FAM168B: variants seen among roughly 807,000 people sequenced by gnomAD.
The protein encoded by FAM168B is myelin-associated neurite-outgrowth inhibitor.
FAM168B carries 19 observed loss-of-function variants against 21.8 expected under a neutral mutation model. The ratio of observed to expected loss-of-function variants is 0.87; its 90% CI spans 0.61 to 1.28. The LOEUF (loss-of-function observed/expected upper bound fraction) is 1.28. Ranked by LOEUF, FAM168B falls within the 50% of genes most tolerant of loss-of-function variation. FAM168B has a pLI of 0.00. For missense variants in FAM168B, 233 were observed against 263.1 expected (o/e 0.89, Z 0.79); for synonymous variants, 126 against 104.8 (o/e 1.20, Z -1.24).
At chr2:131,076,278 C>G (rs374601177) in intron 2 of FAM168B, among the ~76,000 whole-genome samples, 118 of 152,318 alleles carry the variant, frequency 7.7e-4, no homozygotes, top group African/African-American at 2.7e-3. Context: ...AGCATCTATT[C>G]TAGCCCTCTT....
intron 2 of FAM168B, among the ~76,000 whole-genome samples, chr2:131,074,036 T>C (rs1693011025): frequency 6.6e-6 from 1 of 152,242 alleles, no homozygotes; most frequent in South Asian, 2.1e-4. Flanking sequence ...CTCAGGCATC[T>C]GCCCTTTTCG....
At chr2:131,083,958 C>A (rs1693551404) in intron 1 of FAM168B, among the ~76,000 whole-genome samples, 1 of 151,996 alleles carries the variant, frequency 6.6e-6, no homozygotes, top group African/African-American at 2.4e-5. Flanking sequence ...GGCTGGAGTG[C>A]AGTGGCATGA....
intron 1 of FAM168B, among the ~76,000 whole-genome samples, chr2:131,092,948 G>A (rs1422646336): frequency 3.3e-5 from 5 of 152,074 alleles, no homozygotes; most frequent in African/African-American, 1.2e-4. Context: ...ACCTTTAGGA[G>A]AACGCCCCGC....
At position 131,051,874 on chromosome 2, in the gene FAM168B, C is replaced by T. The variant is rs940493686; in HGVS notation, c.*591G>A. On this transcript the variant is annotated 3_prime_UTR_variant, in exon 7 of 7. Coordinates refer to ENST00000389915, the MANE Select transcript of FAM168B (RefSeq NM_001009993.4). ...CTACTCTCTCCCAAACCTCGCAACTCCCTCCCAGGACAGTCAGTGCCAAAG... is the reference window on the plus strand; with the variant it reads ...CTACTCTCTCCCAAACCTCGCAACTTCCTCCCAGGACAGTCAGTGCCAAAG... 1 of 985,440 alleles carries T rather than the reference C, an allele frequency of 1.0e-6. No individual in the cohort carries two copies. The highest frequency in any genetic ancestry group is 1.2e-6 in the Non-Finnish European group (1 of 829,952). 61.0% of individuals were successfully genotyped at this position (985,440 alleles called of 1,614,324 possible). A position where few individuals can be genotyped will look rare whatever the true frequency, so the allele number is the denominator to read the frequency against.
At chr2:131,070,857 C>A (rs1024830164) in intron 3 of FAM168B, among the ~76,000 whole-genome samples, 1 of 152,216 alleles carries the variant, frequency 6.6e-6, no homozygotes, top group African/African-American at 2.4e-5. Flanking sequence ...AGTCGAGACT[C>A]TAGGCATAAC....
At chr2:131,092,321 C>T (rs563398017) in intron 1 of FAM168B, among the ~76,000 whole-genome samples, 3 of 152,300 alleles carry the variant, frequency 2.0e-5, no homozygotes. Context: ...AATAGCCTTA[C>T]ACTGCTCAAA....
At chr2:131,075,499 CTT>C (rs201403777) in intron 2 of FAM168B, among the ~76,000 whole-genome samples, 5 of 144,378 alleles carry the variant, frequency 3.5e-5, no homozygotes, top group Admixed American at 7.0e-5. Context: ...CACTTTCTTT[CTT>C]TTTTTTTTTT....
At chr2:131,083,903 T>TA in intron 1 of FAM168B, among the ~76,000 whole-genome samples, 1 of 151,792 alleles carries the variant, frequency 6.6e-6, no homozygotes, top group South Asian at 2.1e-4. Context: ...TTTATTTATT[T>TA]ATTTATTTAT....
chr2:131,061,835 A>G (rs1015656686), intron 3 of FAM168B, among the ~76,000 whole-genome samples: 2 of 152,124 alleles, frequency 1.3e-5, no homozygotes, highest in African/African-American at 4.8e-5. Context: ...CAAGCCTTTA[A>G]AAAGGCCATC....
At chr2:131,063,276 G>A (rs1394609671) in intron 3 of FAM168B, among the ~76,000 whole-genome samples, 2 of 152,062 alleles carry the variant, frequency 1.3e-5, no homozygotes, top group African/African-American at 4.8e-5. Flanking sequence ...ATAAAATGTT[G>A]AAAAAAGTCA....
intron 5 of FAM168B, among the ~76,000 whole-genome samples, chr2:131,055,058 C>A (rs1368825976): frequency 2.0e-5 from 3 of 152,090 alleles, no homozygotes; most frequent in Admixed American, 2.0e-4. Context: ...ACCAACAAAG[C>A]GAGTCCATCA....
intron 3 of FAM168B, among the ~76,000 whole-genome samples, chr2:131,063,933 A>T (rs1487205741): frequency 2.0e-5 from 3 of 152,090 alleles, no homozygotes; most frequent in Non-Finnish European, 2.9e-5. Flanking sequence ...AACTTCACAA[A>T]CTTTAAATAA....
At chr2:131,082,530 C>G (rs775206940) in intron 2 of FAM168B, 47 bp downstream of exon 2, 1 of 1,280,708 alleles carries the variant, frequency 7.8e-7, no homozygotes, top group Admixed American at 2.1e-5. Flanking sequence ...TGAAAATATA[C>G]CAAGTATTCA....
At chr2:131,093,078 A>C (rs1344435620) in intron 1 of FAM168B, 136 bp downstream of exon 1, 1 of 151,058 alleles carries the variant, frequency 6.6e-6, no homozygotes, top group African/African-American at 2.4e-5. Flanking sequence ...CCGCGGCACA[A>C]AGCGCAGCCC....
At chr2:131,091,576 G>A (rs961522281) in intron 1 of FAM168B, among the ~76,000 whole-genome samples, 17 of 151,652 alleles carry the variant, frequency 1.1e-4, no homozygotes, top group African/African-American at 3.9e-4. Flanking sequence ...GAGCCCGGGA[G>A]GCGGAGGTTG....
rs1348760533 is a variant in FAM168B at position 131,050,108 on chromosome 2, T to C, written c.*2357A>G. 3 of 985,360 alleles carry C rather than the reference T, an allele frequency of 3.0e-6. No homozygotes were observed. The highest frequency in any genetic ancestry group is 3.6e-6 in the Non-Finnish European group (3 of 829,958). 61.0% of individuals were successfully genotyped at this position (985,360 alleles called of 1,614,324 possible). On this transcript the variant is annotated 3_prime_UTR_variant, in exon 7 of 7. Coordinates refer to ENST00000389915, the MANE Select transcript of FAM168B (RefSeq NM_001009993.4). ...TTACAGGGAGGAAGAAAAGTGTTTA[T>C]GAAGCTGATGTAAATGGCGTGTGGG...
chr2:131,058,520 C>T (rs1485994706), intron 3 of FAM168B, among the ~76,000 whole-genome samples: 1 of 152,220 alleles, frequency 6.6e-6, no homozygotes, highest in African/African-American at 2.4e-5. Flanking sequence ...CCAACCTCAG[C>T]TAGTCTCCAT....
chr2:131,062,551 G>T (rs953221767), intron 3 of FAM168B, among the ~76,000 whole-genome samples: 3 of 152,158 alleles, frequency 2.0e-5, no homozygotes, highest in African/African-American at 7.2e-5. Flanking sequence ...GGGTTCAAGC[G>T]ATTCTTCTAC....
In FAM168B at chr2:131,055,538, T is replaced by C. The variant is rs761491819; in HGVS notation, c.297+15A>G. On this transcript the variant is annotated intron_variant, in intron 4 of 6. Coordinates refer to ENST00000389915, the MANE Select transcript of FAM168B (RefSeq NM_001009993.4). ...TATCACCCCTTCCCACACAGCAGTG[T>C]GTACCCAAGCATACCTGTGCATACG... 4.4e-6 allele frequency: 7 copies of C among 1,602,302 alleles called. No individual in the cohort carries two copies. The highest frequency in any genetic ancestry group is 6.0e-6 in the Non-Finnish European group (7 of 1,175,878).
Sources: allele counts gnomAD v4.1 joint callset (sites outside exome capture counted in the v4.1 genomes callset), GRCh38; gene constraint gnomAD v4.1.1; transcripts MANE v1.5; gene names NCBI Gene and HGNC (gene_info 2026-07-23, HGNC 2026-07-21).